The following BBX variants were observed in gnomAD, a reference collection of about 807,000 sequenced individuals.
BBX encodes the protein BBX high mobility group box domain containing.
A neutral mutation model predicts 100.2 loss-of-function variants in BBX; 30 were observed. That is an observed-to-expected ratio of 0.30 (90% CI 0.22 to 0.41). BBX has a LOEUF of 0.41. Among genes scored for constraint, BBX ranks in the 10% least tolerant of loss-of-function variants. The pLI is 1.00. For synonymous variants in BBX, 376 were observed against 388.1 expected (o/e 0.97, Z 0.37); for missense variants, 1,023 against 1,129.8 (o/e 0.91, Z 1.35).
chr3:107,765,879 T>C (rs1302470172), intron 10 of BBX, among the ~76,000 whole-genome samples: 1 of 152,154 alleles, frequency 6.6e-6, no homozygotes, highest in Non-Finnish European at 1.5e-5. Flanking sequence ...TTGTATCTTA[T>C]GGAAATGCCT....
At chr3:107,748,253 C>A (rs1017227778) in intron 9 of BBX, among the ~76,000 whole-genome samples, 1 of 152,148 alleles carries the variant, frequency 6.6e-6, no homozygotes, top group Admixed American at 6.5e-5. Context: ...TATAAGTATT[C>A]ATTAAAGAGT....
At chr3:107,528,166 A>G (rs2047908710) in intron 2 of BBX, among the ~76,000 whole-genome samples, 1 of 152,210 alleles carries the variant, frequency 6.6e-6, no homozygotes, top group Non-Finnish European at 1.5e-5. Context: ...CATTTTGACA[A>G]TGAATTGCCA....
At chr3:107,803,952 T>TG (rs895511118) in intron 17 of BBX, among the ~76,000 whole-genome samples, 4 of 9,390 alleles carry the variant, frequency 4.3e-4, no homozygotes, top group African/African-American at 9.1e-4. Context: ...TCATCTTTTT[T>TG]GTTTTTTTTT....
chr3:107,534,705 C>A (rs2048375529), intron 2 of BBX, among the ~76,000 whole-genome samples: 1 of 152,136 alleles, frequency 6.6e-6, no homozygotes, highest in Non-Finnish European at 1.5e-5. Flanking sequence ...GAGCTTGAGA[C>A]TTATACACAT....
intron 3 of BBX, among the ~76,000 whole-genome samples, chr3:107,704,172 G>A (rs973086575): frequency 2.0e-5 from 3 of 152,156 alleles, no homozygotes; most frequent in African/African-American, 7.2e-5. Context: ...AGGATTAAAT[G>A]AGAAGGTAAA....
In BBX at chr3:107,606,939, C is replaced by A. The variant is rs990863856; in HGVS notation, c.-83-38897C>A. ...TTAACCATCCCCACTTCCCCCCACT[C>A]TCTGGTAACCATCATTCTACTCTCT... On this transcript the variant is annotated intron_variant, in intron 2 of 17. Transcript: ENST00000325805. 1.3e-5 allele frequency among the ~76,000 whole-genome samples: 2 copies of A among 152,158 alleles called. 1 individual carries two copies. The highest frequency in any genetic ancestry group is 4.1e-4 in the South Asian group (2 of 4,824).
At chr3:107,575,607 C>T (rs2051713085) in intron 2 of BBX, among the ~76,000 whole-genome samples, 1 of 151,932 alleles carries the variant, frequency 6.6e-6, no homozygotes, top group East Asian at 1.9e-4. Context: ...ATTTTATCTG[C>T]TCATTTATTT....
At chr3:107,607,605 C>T (rs1042140669) in intron 2 of BBX, among the ~76,000 whole-genome samples, 4 of 152,054 alleles carry the variant, frequency 2.6e-5, no homozygotes, top group African/African-American at 9.7e-5. Context: ...TATGTGGTAG[C>T]TCTATTTTTA....
intron 3 of BBX, among the ~76,000 whole-genome samples, chr3:107,673,701 A>AG (rs2059138404): frequency 6.6e-6 from 1 of 152,128 alleles, no homozygotes; most frequent in Non-Finnish European, 1.5e-5. Flanking sequence ...ACCCACTTCA[A>AG]GTTTTTTTTT....
At chr3:107,578,385 T>C (rs925358359) in intron 2 of BBX, among the ~76,000 whole-genome samples, 2 of 150,926 alleles carry the variant, frequency 1.3e-5, no homozygotes, top group Non-Finnish European at 3.0e-5. Context: ...CCACCTTGCC[T>C]TCTAAGCAGT....
intron 5 of BBX, among the ~76,000 whole-genome samples, chr3:107,719,710 A>G (rs2062384496): frequency 6.6e-6 from 1 of 152,058 alleles, no homozygotes; most frequent in Admixed American, 6.6e-5. Context: ...AATGTACATG[A>G]TGTGCAATGT....
intron 2 of BBX, among the ~76,000 whole-genome samples, chr3:107,552,100 G>T (rs1404576785): frequency 6.6e-6 from 1 of 152,014 alleles, no homozygotes; most frequent in Non-Finnish European, 1.5e-5. Context: ...CCAGCACTTT[G>T]GGAGGCTGCG....
At position 107,734,109 on chromosome 3, in the gene BBX, TTA is replaced by T. The variant is rs150415360; in HGVS notation, c.669+1088_669+1089del. ...TTTACTTTTTGTTTTTTAGTTGTGA[TTA>T]TGTCATACATATTATACTTGAAGGC... On this transcript the variant is annotated intron_variant, in intron 7 of 17. Transcript: ENST00000325805. 2.4e-3 allele frequency among the ~76,000 whole-genome samples: 368 copies of T among 152,316 alleles called. 1 individual carries two copies. The highest frequency in any genetic ancestry group is 8.3e-3 in the African/African-American group (346 of 41,584).
chr3:107,527,394 G>GACCTCATCTGTGGTGTTTCCTGGATTGC (rs2047856220), intron 2 of BBX, among the ~76,000 whole-genome samples: 1 of 152,154 alleles, frequency 6.6e-6, no homozygotes, highest in South Asian at 2.1e-4. Flanking sequence ...AAAATTTAGA[G>GACCTCATCTGTGGTGTTTCCTGGATTGC]ACCTCATCTG....
Position 107,805,430 on chromosome 3 carries a change from T to G in BBX, c.2799T>G (p.Pro933=). The G allele has an allele frequency of 1.2e-6, 2 of 1,614,174 alleles. No homozygotes were observed. The highest frequency in any genetic ancestry group is 2.2e-5 in the South Asian group (2 of 91,078). The stretch of plus-strand genomic sequence containing the variant: ...AGCCAAAAGAAATGCCGCAGGCTCC[T>G]GTACTTATTTCCTGCGCTGACCAGT... ...DGQPKEMPQA[P]VLISCADQ is the part of the protein sequence containing the mutation. Residue 933 remains proline, a synonymous_variant, in exon 18 of 18, where the codon CCT becomes CCG. Transcript: ENST00000325805.
intron 2 of BBX, among the ~76,000 whole-genome samples, chr3:107,613,336 G>A (rs1383095722): frequency 2.0e-5 from 3 of 149,012 alleles, no homozygotes; most frequent in Admixed American, 6.8e-5. Flanking sequence ...ACAGGCGCCC[G>A]CCACCACGAC....
At chr3:107,681,103 G>A (rs1033252092) in intron 3 of BBX, among the ~76,000 whole-genome samples, 1 of 152,108 alleles carries the variant, frequency 6.6e-6, no homozygotes, top group African/African-American at 2.4e-5. Flanking sequence ...TTAGAAACCT[G>A]TTTTAACAAA....
In BBX at chr3:107,657,109, G is replaced by C. The variant is rs528218315; in HGVS notation, c.-10+11200G>C. 4 of 152,204 alleles carry C rather than the reference G, an allele frequency of 2.6e-5. No homozygotes were observed. The South Asian group carries it at 8.3e-4, about 32-fold the overall frequency. 9.4% of individuals were successfully genotyped at this position (152,204 alleles called of 1,614,324 possible). On this transcript the variant is annotated intron_variant, in intron 3 of 17. Transcript: ENST00000325805. Reference sequence around the variant, plus strand: ...CTGAGCAATGGATATAAATGAGATGGAACAGAAGGAAAAAAAGGTAGACAT... The same window carrying C: ...CTGAGCAATGGATATAAATGAGATGCAACAGAAGGAAAAAAAGGTAGACAT...
intron 2 of BBX, among the ~76,000 whole-genome samples, chr3:107,558,684 T>C (rs1576301132): frequency 1.3e-5 from 2 of 152,020 alleles, no homozygotes; most frequent in African/African-American, 4.8e-5. Context: ...GCCAATTAGG[T>C]AAAGGGGGTC....
Sources: allele counts gnomAD v4.1 joint callset (sites outside exome capture counted in the v4.1 genomes callset), GRCh38; gene constraint gnomAD v4.1.1; transcripts MANE v1.5; gene names NCBI Gene and HGNC (gene_info 2026-07-23, HGNC 2026-07-21).